The following CFAP43 variants were observed in gnomAD, a reference collection of about 807,000 sequenced individuals.
CFAP43 encodes the protein cilia- and flagella-associated protein 43.
CFAP43 carries 155 observed loss-of-function variants against 218.9 expected under a neutral mutation model. The observed-to-expected ratio is 0.71, with a 90% confidence interval of 0.62 to 0.81. CFAP43 has a LOEUF of 0.81. Among genes scored for constraint, CFAP43 ranks in the 30% least tolerant of loss-of-function variants. The probability of loss-of-function intolerance (pLI) is 0.00; values close to 1 mark genes in which losing one functional copy is unlikely to be tolerated. For synonymous variants in CFAP43, 645 were observed against 681.3 expected (o/e 0.95, Z 0.83); for missense variants, 1,778 against 1,954.3 (o/e 0.91, Z 1.70).
chr10:104,175,084 C>CA (rs1309874058), intron 19 of CFAP43, among the ~76,000 whole-genome samples: 1 of 148,572 alleles, frequency 6.7e-6, no homozygotes, highest in African/African-American at 2.5e-5. Flanking sequence ...AACAAACAAA[C>CA]AAACAAAAAA....
intron 7 of CFAP43, 113 bp downstream of exon 7, chr10:104,205,850 T>G: frequency 1.2e-6 from 1 of 863,062 alleles, no homozygotes; most frequent in South Asian, 1.6e-5. Flanking sequence ...CCATTTTAAT[T>G]AATAATGTGA....
intron 21 of CFAP43, among the ~76,000 whole-genome samples, chr10:104,168,039 T>G (rs1564747635): frequency 2.0e-5 from 3 of 152,114 alleles, no homozygotes; most frequent in Admixed American, 1.3e-4. Context: ...TTTGGCAACT[T>G]TTTTTTATTG....
At chr10:104,155,390 G>T (rs2088488987) in intron 27 of CFAP43, among the ~76,000 whole-genome samples, 1 of 152,174 alleles carries the variant, frequency 6.6e-6, no homozygotes, top group Non-Finnish European at 1.5e-5. Flanking sequence ...GGTACCAGTG[G>T]CTGATCTAAG....
chr10:104,141,785 G>C lies in CFAP43; in HGVS notation c.4271+496C>G, dbSNP rs184712266. On this transcript the variant is annotated intron_variant, in intron 33 of 37. Transcript: ENST00000357060. ...AAAATGATGTGTTCTCAATGAATTT[G>C]GGAACATCAGAGAAGTATTTATCGA... Among the ~76,000 whole-genome samples, 319 of 152,198 alleles carry C rather than the reference G, an allele frequency of 2.1e-3. 2 individuals are homozygous for C. Among genetic ancestry groups the C allele is most frequent in the African/African-American group, 7.5e-3 (310 of 41,542 alleles).
chr10:104,211,937 C>A, intron 5 of CFAP43, 70 bp downstream of exon 5: 1 of 1,516,582 alleles, frequency 6.6e-7, no homozygotes, highest in Non-Finnish European at 8.9e-7. Context: ...ATGGTTATGC[C>A]AATCAAATGA....
chr10:104,142,051 T>G (rs1261157358), intron 33 of CFAP43, among the ~76,000 whole-genome samples: 1 of 152,266 alleles, frequency 6.6e-6, no homozygotes, highest in Non-Finnish European at 1.5e-5. Context: ...ACTAAGATTT[T>G]TCTGAAACTT....
At chr10:104,187,132 A>T (rs1299348940) in intron 14 of CFAP43, among the ~76,000 whole-genome samples, 188 bp downstream of exon 14, 1 of 152,220 alleles carries the variant, frequency 6.6e-6, no homozygotes, top group Admixed American at 6.5e-5. Flanking sequence ...CAGGTTGCTC[A>T]AATATATTGT....
chr10:104,158,760 G>C (rs1004445732), intron 27 of CFAP43, among the ~76,000 whole-genome samples: 1 of 151,774 alleles, frequency 6.6e-6, no homozygotes, highest in African/African-American at 2.4e-5. Flanking sequence ...TGGTTATGTA[G>C]AAGAATATTT....
Position 104,133,722 on chromosome 10 carries a change from A to G in CFAP43, c.4494T>C (p.Leu1498=). The change falls in exon 35 of 38, where the codon CTT becomes CTC. Residue 1498 remains leucine (L), a synonymous_variant. Coordinates refer to ENST00000357060, the MANE Select transcript of CFAP43 (RefSeq NM_025145.7). ...TTTTCTTATGTTCCCACTCAATCTG[A>G]AGTATTCTTTTGTGTACATCTTTAC... is the stretch of plus-strand genomic sequence containing the variant. ...MESKDVHKRI[L]QIEWEHKKME... The G allele has an allele frequency of 6.2e-7, 1 of 1,613,714 alleles. No individual in the cohort carries two copies. Among genetic ancestry groups the G allele is most frequent in the Non-Finnish European group, 8.5e-7 (1 of 1,179,856 alleles).
Position 104,146,245 on chromosome 10 carries a change from T to A in CFAP43, c.3855+18A>T. The A allele has an allele frequency of 6.2e-7, 1 of 1,604,830 alleles. No individual in the cohort carries two copies. Among genetic ancestry groups the A allele is most frequent in the South Asian group, 1.1e-5 (1 of 90,840 alleles). The stretch of plus-strand genomic sequence containing the variant: ...CAACTCTACTGCATTGTTGAGTGGG[T>A]AAGACAACAACTCTCACTTTGTCTT... On this transcript the variant is annotated intron_variant, in intron 30 of 37. Transcript: ENST00000357060.
intron 7 of CFAP43, among the ~76,000 whole-genome samples, chr10:104,204,004 CT>C (rs2090609489): frequency 6.6e-6 from 1 of 152,160 alleles, no homozygotes; most frequent in South Asian, 2.1e-4. Context: ...AGTCTGATCT[CT>C]TTTGTGATGC....
chr10:104,200,456 G>A (rs1014882938), intron 8 of CFAP43, among the ~76,000 whole-genome samples: 6 of 151,944 alleles, frequency 3.9e-5, no homozygotes, highest in African/African-American at 1.4e-4. Context: ...GATCACTTGA[G>A]GCCAGGAGTT....
chr10:104,214,716 A>G (rs1035584322), intron 3 of CFAP43, among the ~76,000 whole-genome samples: 6 of 152,248 alleles, frequency 3.9e-5, no homozygotes, highest in Non-Finnish European at 8.8e-5. Context: ...AGAAAATGAA[A>G]TATATCATCA....
At chr10:104,160,122 G>A (rs1486687518) in intron 27 of CFAP43, among the ~76,000 whole-genome samples, 1 of 152,142 alleles carries the variant, frequency 6.6e-6, no homozygotes, top group Admixed American at 6.5e-5. Context: ...TACAAAGAAG[G>A]TGCAGGGACA....
intron 34 of CFAP43, among the ~76,000 whole-genome samples, chr10:104,136,114 G>T (rs1032106703): frequency 1.3e-5 from 2 of 151,600 alleles, no homozygotes; most frequent in Non-Finnish European, 2.9e-5. Flanking sequence ...GCTGGGCATG[G>T]TGGTGGGCGC....
rs2090951283 is a variant in CFAP43 at position 104,214,243 on chromosome 10, T to C, written c.584+16A>G. The C allele has an allele frequency of 7.7e-6, 12 of 1,554,094 alleles. No homozygotes were observed. The highest frequency in any genetic ancestry group is 1.0e-5 in the Non-Finnish European group (12 of 1,150,340). On this transcript the variant is annotated intron_variant, in intron 4 of 37. Coordinates refer to ENST00000357060, the MANE Select transcript of CFAP43 (RefSeq NM_025145.7). The stretch of plus-strand genomic sequence containing the variant: ...AAAGACCACCATGTTGCTACTGTTG[T>C]AACAAAGGCTCCTACCTTGCTCTGA...
In CFAP43 at chr10:104,210,404, T is replaced by C. The variant is rs552546354; in HGVS notation, c.735+1603A>G. 2.6e-5 allele frequency among the ~76,000 whole-genome samples: 4 copies of C among 152,378 alleles called. No individual in the cohort carries two copies. The South Asian group carries it at 8.3e-4, about 32-fold the overall frequency. On this transcript the variant is annotated intron_variant, in intron 5 of 37. Transcript: ENST00000357060. ...TAGTTTTTGAGACGGAGTCTCGCTG[T>C]CACCCAGGCTGGAGTGCAATGGTGC...
At chr10:104,193,793 A>G (rs1399703637) in intron 11 of CFAP43, 73 bp downstream of exon 11, 1 of 1,518,652 alleles carries the variant, frequency 6.6e-7, no homozygotes, top group East Asian at 2.4e-5. Context: ...AATTAAAAGA[A>G]AGGATGGCTT....
At chr10:104,200,166 A>G (rs2090491823) in intron 8 of CFAP43, among the ~76,000 whole-genome samples, 1 of 152,200 alleles carries the variant, frequency 6.6e-6, no homozygotes, top group Non-Finnish European at 1.5e-5. Flanking sequence ...ACGTCTTTAG[A>G]TGAATGCACA....
Sources: allele counts gnomAD v4.1 joint callset (sites outside exome capture counted in the v4.1 genomes callset), GRCh38; gene constraint gnomAD v4.1.1; transcripts MANE v1.5; gene names NCBI Gene and HGNC (gene_info 2026-07-23, HGNC 2026-07-21).